The following POT1 variants were observed in gnomAD, a reference collection of about 807,000 sequenced individuals.
The protein encoded by POT1 is protection of telomeres protein 1.
In POT1, 47 loss-of-function variants were observed where a neutral mutation model predicts 78.5. The observed-to-expected ratio is 0.60, with a 90% CI of 0.47 to 0.76. POT1 has a LOEUF of 0.76. POT1 is among the 30% of genes least tolerant of loss of function. POT1 has a pLI of 0.00. For synonymous variants in POT1, 259 were observed against 260.7 expected (o/e 0.99, Z 0.06); for missense variants, 646 against 749.9 (o/e 0.86, Z 1.62).
chr7:124,925,359 C>T (rs991014957), intron 2 of POT1, among the ~76,000 whole-genome samples: 2 of 151,834 alleles, frequency 1.3e-5, no homozygotes, highest in African/African-American at 4.8e-5. Flanking sequence ...CCATTTACAA[C>T]AGCTACAAAA....
intron 7 of POT1, among the ~76,000 whole-genome samples, chr7:124,870,270 A>C (rs1011120552): frequency 6.6e-6 from 1 of 152,168 alleles, no homozygotes; most frequent in African/African-American, 2.4e-5. Flanking sequence ...TATAGCAATA[A>C]AGATAATAAT....
At chr7:124,917,515 C>A (rs1797041887) in intron 2 of POT1, among the ~76,000 whole-genome samples, 1 of 152,144 alleles carries the variant, frequency 6.6e-6, no homozygotes, top group African/African-American at 2.4e-5. Flanking sequence ...AAGACCTACA[C>A]ATGCCCAGAA....
rs1199499328 is a variant in POT1 at position 124,842,920 on chromosome 7, G to A, written c.1050C>T (p.Ala350=). The A allele has an allele frequency of 5.0e-6, 8 of 1,605,592 alleles. No individual in the cohort carries two copies. The highest frequency in any genetic ancestry group is 8.5e-7 in the Non-Finnish European group (1 of 1,177,072). ...GTTGAGGAGCTTTTTGTTTCAAAAT[G>A]GCACATAGTGGTGTCCTCTCCAAAT... The part of the protein sequence containing the change: ...HQYLERTPLC[A]ILKQKAPQQY... Residue 350 remains alanine, a synonymous_variant, in exon 13 of 19, where the codon GCC becomes GCT. Coordinates refer to ENST00000357628, the MANE Select transcript of POT1 (RefSeq NM_015450.3).
chr7:124,880,414 A>G (rs865933724), intron 6 of POT1, among the ~76,000 whole-genome samples: 6 of 152,222 alleles, frequency 3.9e-5, no homozygotes, highest in Non-Finnish European at 4.4e-5. Flanking sequence ...AAATAATACT[A>G]AATAGTTTAA....
At position 124,853,133 on chromosome 7, in the gene POT1, TC is replaced by T. The variant is rs2116505374; in HGVS notation, c.707del (p.Gly236GlufsTer16). On this transcript the variant is annotated frameshift_variant, in exon 10 of 19. Coordinates refer to ENST00000357628, the MANE Select transcript of POT1 (RefSeq NM_015450.3). LOFTEE classifies it high-confidence loss of function. The stretch of plus-strand genomic sequence containing the variant: ...GAAGGCTATAGATTCTAAGAAAGCT[TC>T]CAACCTAAAAAATAGATCATTTGTT... The part of the protein sequence containing the change: ...HVHVARSLKV[G>X]SFLRIYSLHT... 6.4e-7 allele frequency: 1 copy of T among 1,571,980 alleles called. No homozygotes were observed. Among genetic ancestry groups the T allele is most frequent in the Non-Finnish European group, 8.7e-7 (1 of 1,153,064 alleles).
rs146054586 is a variant in POT1, at chr7:124,868,092, G to A, written c.255+2819C>T. 3.7e-3 allele frequency among the ~76,000 whole-genome samples: 567 copies of A among 152,182 alleles called. 2 individuals carry two copies. Among genetic ancestry groups the A allele is most frequent in the Admixed American group, 9.5e-3 (145 of 15,270 alleles). The stretch of plus-strand genomic sequence containing the variant: ...AAAAGAAGAGTAGATCTTGACTCTT[G>A]TTTTAATGTATATTTTTGCTATGAA... On this transcript the variant is annotated intron_variant, in intron 7 of 18. Coordinates refer to ENST00000357628, the MANE Select transcript of POT1 (RefSeq NM_015450.3).
chr7:124,892,789 G>GT (rs142826548), intron 5 of POT1: 2,596 of 151,778 alleles, frequency 0.017, 69 homozygotes, highest in African/African-American at 0.059. Flanking sequence ...TACACTGGAT[G>GT]TAACTTCATT....
At position 124,863,335 on chromosome 7, in the gene POT1, T is replaced by C. The variant is rs1795644754; in HGVS notation, c.546+15A>G. On this transcript the variant is annotated intron_variant, in intron 8 of 18. Transcript: ENST00000357628. ...TGGTGCTAACTTATAATTCCCAGTA[T>C]TAAAAAATATGTACCTTTAGAAGAA... 10 of 1,600,332 alleles carry C rather than the reference T, an allele frequency of 6.2e-6. No homozygotes were observed. The South Asian group carries it at 1.1e-4, about 18-fold the overall frequency.
At chr7:124,829,473 T>TG (rs1346711862) in intron 15 of POT1, 131 bp from the exon 16 acceptor site, 2 of 594,456 alleles carry the variant, frequency 3.4e-6, no homozygotes, top group African/African-American at 3.7e-5. Flanking sequence ...GCATCCCCTA[T>TG]ATTGTAATGT....
At chr7:124,883,121 T>TC (rs1212443069) in intron 6 of POT1, among the ~76,000 whole-genome samples, 1 of 152,040 alleles carries the variant, frequency 6.6e-6, no homozygotes, top group Non-Finnish European at 1.5e-5. Context: ...GAGTCTCCCC[T>TC]CACTCACCTA....
Position 124,906,034 on chromosome 7 carries a change from T to C in POT1, c.-153-7660A>G, listed in dbSNP as rs546645939. On this transcript the variant is annotated intron_variant, in intron 3 of 18. Coordinates refer to ENST00000357628, the MANE Select transcript of POT1 (RefSeq NM_015450.3). ...GAGAAATAGGAACACTTTTACACTG[T>C]TGGTGGGACTGTAAACTAGTTCAAC... is the stretch of plus-strand genomic sequence containing the variant. 3.5e-4 allele frequency among the ~76,000 whole-genome samples: 54 copies of C among 152,300 alleles called. No individual in the cohort carries two copies. In the South Asian group the frequency reaches 0.011, roughly 31 times the overall value.
chr7:124,847,110 T>A, intron 11 of POT1, 112 bp from the exon 12 acceptor site: 1 of 658,180 alleles, frequency 1.5e-6, no homozygotes, highest in Non-Finnish European at 2.7e-6. Flanking sequence ...AATGGTGAGA[T>A]ATGCCACATT....
chr7:124,889,003 T>TG (rs1278578768), intron 6 of POT1, among the ~76,000 whole-genome samples: 1 of 151,940 alleles, frequency 6.6e-6, no homozygotes, highest in Non-Finnish European at 1.5e-5. Flanking sequence ...GAGTCACATG[T>TG]CTCTCACTTT....
chr7:124,890,991 G>T (rs1796357164), intron 6 of POT1, among the ~76,000 whole-genome samples: 1 of 151,660 alleles, frequency 6.6e-6, no homozygotes, highest in African/African-American at 2.4e-5. Context: ...GTTGTAGCTG[G>T]GTAGAATATT....
At chr7:124,828,840 C>G in intron 16 of POT1, 1 of 511,670 alleles carries the variant, frequency 2.0e-6, no homozygotes, top group South Asian at 1.4e-5. Context: ...ACCAAGTGTA[C>G]AAATAAATAG....
In POT1 at chr7:124,825,265, T is replaced by C. The variant is rs1584746381; in HGVS notation, c.1779A>G (p.Pro593=). 6.2e-7 allele frequency: 1 copy of C among 1,606,044 alleles called. No individual in the cohort carries two copies. The highest frequency in any genetic ancestry group is 8.5e-7 in the Non-Finnish European group (1 of 1,175,916). ...ATTCTTGCCTACCAATTTTTATTCC[T>C]GGAGGACAAAACATATCCATGATCA... The part of the protein sequence containing the change: ...VDMIMDMFCP[P]GIKIDAYPWL... Residue 593 remains proline, a synonymous_variant, in exon 18 of 19, where the codon CCA becomes CCG. Transcript: ENST00000357628.
intron 6 of POT1, among the ~76,000 whole-genome samples, chr7:124,876,631 AAC>A (rs200415864): frequency 0.017 from 2,572 of 152,314 alleles, 39 homozygotes; most frequent in Non-Finnish European, 0.027. Context: ...AGGGGCACTG[AAC>A]ATATGTACCA....
intron 2 of POT1, among the ~76,000 whole-genome samples, chr7:124,927,383 A>G (rs1050026635): frequency 6.6e-6 from 1 of 152,198 alleles, no homozygotes; most frequent in African/African-American, 2.4e-5. Flanking sequence ...ACCTTGAATA[A>G]ATCACTTAAC....
chr7:124,830,140 C>T (rs948930894), intron 15 of POT1, among the ~76,000 whole-genome samples: 5 of 152,070 alleles, frequency 3.3e-5, no homozygotes, highest in Non-Finnish European at 5.9e-5. Context: ...GTTTATGATG[C>T]CTAATTCCAT....
Sources: allele counts gnomAD v4.1 joint callset (sites outside exome capture counted in the v4.1 genomes callset), GRCh38; gene constraint gnomAD v4.1.1; transcripts MANE v1.5; gene names NCBI Gene and HGNC (gene_info 2026-07-23, HGNC 2026-07-21).